Variants in HMMR observed in about 807,000 individuals in gnomAD.
HMMR encodes intracellular hyaluronic acid-binding protein.
Under a neutral mutation model 101.0 loss-of-function variants are expected in HMMR, and 108 were observed. The observed-to-expected ratio is 1.07, with a 90% CI of 0.92 to 1.25. HMMR has a LOEUF of 1.25. Ranked by LOEUF, HMMR falls within the 50% of genes most tolerant of loss-of-function variation. The pLI is 0.00. For missense variants in HMMR, 813 were observed against 788.7 expected, an observed-to-expected ratio of 1.03 and a Z score of -0.37; for synonymous variants, 296 against 276.4, an observed-to-expected ratio of 1.07 and a Z score of -0.70.
At chr5:163,471,966 A>G (rs191795446) in intron 7 of HMMR, among the ~76,000 whole-genome samples, 4 of 152,108 alleles carry the variant, frequency 2.6e-5, no homozygotes, top group African/African-American at 7.2e-5. Context: ...GCTACTGCCT[A>G]TGTCATGTCC....
intron 13 of HMMR, 69 bp from the exon 14 acceptor site, chr5:163,482,950 GA>G (rs917389735): frequency 7.5e-5 from 67 of 892,064 alleles, no homozygotes; most frequent in East Asian, 2.9e-4. Flanking sequence ...GAGGTTTAAA[GA>G]AAAAAAAAGG....
chr5:163,461,786 G>GA lies in HMMR; in HGVS notation c.46+1060dup, dbSNP rs902821024. 5.3e-3 allele frequency among the ~76,000 whole-genome samples: 766 copies of GA among 143,524 alleles called. 1 individual carries two copies. The highest frequency in any genetic ancestry group is 8.4e-3 in the African/African-American group (331 of 39,436). The allele number at this position is 143,524 out of a possible 152,430, so 94.2% of individuals were successfully genotyped here. Reference sequence around the variant, plus strand: ...CGACAGAGCAAGACTCTGTCTTACAGAAAAAAAAAAAATGCTGTATGCTGG... The same window carrying GA: ...CGACAGAGCAAGACTCTGTCTTACAGAAAAAAAAAAAAATGCTGTATGCTGG... On this transcript the variant is annotated intron_variant, in intron 1 of 17. Coordinates refer to ENST00000393915, the MANE Select transcript of HMMR (RefSeq NM_001142556.2).
At position 163,474,047 on chromosome 5, in the gene HMMR, C is replaced by T. The variant is rs772162647; in HGVS notation, c.905-10C>T. 1.1e-5 allele frequency: 17 copies of T among 1,600,426 alleles called. No homozygotes were observed. Among genetic ancestry groups the T allele is most frequent in the African/African-American group, 2.7e-5 (2 of 74,226 alleles). ...TAATTCCAGTATTCTTGATGTTTTG[C>T]GTTTTCTAGAAGACCATGTCAACAG... On this transcript the variant is annotated splice_polypyrimidine_tract_variant and intron_variant, in intron 9 of 17. Coordinates refer to ENST00000393915, the MANE Select transcript of HMMR (RefSeq NM_001142556.2).
At chr5:163,482,133 T>C (rs1759289235) in intron 12 of HMMR, among the ~76,000 whole-genome samples, 1 of 152,162 alleles carries the variant, frequency 6.6e-6, no homozygotes. Context: ...GTCATGCTGG[T>C]CTCGAACTCC....
chr5:163,488,624 C>T (rs1024802664), intron 16 of HMMR, among the ~76,000 whole-genome samples: 4 of 152,122 alleles, frequency 2.6e-5, no homozygotes, highest in Admixed American at 6.5e-5. Flanking sequence ...TTAGGTGTGC[C>T]CACAATTACC....
intron 1 of HMMR, among the ~76,000 whole-genome samples, chr5:163,461,791 A>G (rs1345361210): frequency 6.6e-6 from 1 of 152,068 alleles, no homozygotes; most frequent in Admixed American, 6.5e-5. Context: ...TTACAGAAAA[A>G]AAAAAAATGC....
intron 16 of HMMR, among the ~76,000 whole-genome samples, chr5:163,488,477 C>T (rs1249822071): frequency 6.6e-6 from 1 of 152,092 alleles, no homozygotes; most frequent in Non-Finnish European, 1.5e-5. Flanking sequence ...GGGTACAGCT[C>T]CCCCTCCTTT....
At chr5:163,462,720 C>T (rs755280366) in intron 1 of HMMR, among the ~76,000 whole-genome samples, 2 of 150,052 alleles carry the variant, frequency 1.3e-5, no homozygotes, top group East Asian at 2.0e-4. Flanking sequence ...CCCAGCTACT[C>T]GGGAGGCTGA....
At chr5:163,464,871 T>C in intron 3 of HMMR, 69 bp downstream of exon 3, 1 of 930,138 alleles carries the variant, frequency 1.1e-6, no homozygotes, top group Non-Finnish European at 1.8e-6. Context: ...GTATTGTATT[T>C]GATTAGAATG....
At position 163,478,810 on chromosome 5, in the gene HMMR, T is replaced by C. The variant is rs113930492; in HGVS notation, c.1385+10T>C. On this transcript the variant is annotated intron_variant, in intron 12 of 17. Coordinates refer to ENST00000393915, the MANE Select transcript of HMMR (RefSeq NM_001142556.2). ...CTGCTCAATTTGAAAGGTATTTTTCTTGGGAGCCTGCACTCTTAAATATGA... is the reference window on the plus strand; with the variant it reads ...CTGCTCAATTTGAAAGGTATTTTTCCTGGGAGCCTGCACTCTTAAATATGA... 5 of 1,439,228 alleles carry C rather than the reference T, an allele frequency of 3.5e-6. No homozygotes were observed. Among genetic ancestry groups the C allele is most frequent in the African/African-American group, 1.4e-5 (1 of 71,614 alleles). The allele number at this position is 1,439,228 out of a possible 1,614,324, so 89.2% of individuals were successfully genotyped here.
At chr5:163,474,699 G>C (rs1051457567) in intron 10 of HMMR, 2 of 393,908 alleles carry the variant, frequency 5.1e-6, no homozygotes, top group African/African-American at 4.3e-5. Context: ...CAAGGAAGTA[G>C]AAATAATATT....
rs570593657 is a variant in HMMR at position 163,488,523 on chromosome 5, G to T, written c.1963-1867G>T. On this transcript the variant is annotated intron_variant, in intron 16 of 17. Coordinates refer to ENST00000393915, the MANE Select transcript of HMMR (RefSeq NM_001142556.2). ...TTATTTGCTTGTTTGCTTAATGAGT[G>T]GCTCAATTATTTTAGGGAAACATAT... is the stretch of plus-strand genomic sequence containing the variant. Among the ~76,000 whole-genome samples the T allele has an allele frequency of 2.9e-3, 437 of 152,214 alleles. 2 individuals carry two copies. The highest frequency in any genetic ancestry group is 0.01 in the African/African-American group (420 of 41,496).
In HMMR at chr5:163,475,552, T is replaced by C; in HGVS notation, c.1148T>C (p.Leu383Pro). ...TTTGAGGAAGAATTAAAGCAAACAC[T>C]GGATGAGCTTGATAAATTACAGCAA... is the stretch of plus-strand genomic sequence containing the variant. ...NLFEEELKQT[L>P]DELDKLQQKE... Residue 383 changes from leucine (L) to proline (P), a missense_variant, in exon 11 of 18, where the codon CTG becomes CCG. Leu to Pro is a moderately conservative substitution (Grantham distance 98, BLOSUM62 -3). Transcript: ENST00000393915. 27 of 1,610,614 alleles carry C rather than the reference T, an allele frequency of 1.7e-5. No individual in the cohort carries two copies. Among genetic ancestry groups the C allele is most frequent in the Non-Finnish European group, 2.3e-5 (27 of 1,177,088 alleles).
chr5:163,475,398 CCT>C lies in HMMR; in HGVS notation c.1054-59_1054-58del. The C allele has an allele frequency of 4.4e-6, 4 of 917,338 alleles. No homozygotes were observed. The Admixed American group carries it at 9.7e-5, about 22-fold the overall frequency. 56.8% of individuals were successfully genotyped at this position (917,338 alleles called of 1,614,324 possible). A position where few individuals can be genotyped will look rare whatever the true frequency, so the allele number is the denominator to read the frequency against. On this transcript the variant is annotated intron_variant, in intron 10 of 17. Coordinates refer to ENST00000393915, the MANE Select transcript of HMMR (RefSeq NM_001142556.2). Reference sequence around the variant, plus strand: ...TCTTTATCTGTACTTTTTTTTGTCTCCTAGTACAACCTCACAATGCCATTCCA... The same window carrying C: ...TCTTTATCTGTACTTTTTTTTGTCTCAGTACAACCTCACAATGCCATTCCA...
intron 1 of HMMR, 145 bp downstream of exon 1, chr5:163,460,883 C>T: frequency 1.4e-6 from 1 of 722,732 alleles, no homozygotes; most frequent in Non-Finnish European, 2.5e-6. Context: ...CAAATATGCT[C>T]TAAGCATCTG....
Position 163,473,277 on chromosome 5 carries a change from T to C in HMMR, c.725+24T>C, listed in dbSNP as rs377422759. ...AGGTAATATGAGCAGTAGCTTTAAA[T>C]TGAACCTTATTTTTTTAATACTCAG... is the stretch of plus-strand genomic sequence containing the variant. On this transcript the variant is annotated intron_variant, in intron 8 of 17. Transcript: ENST00000393915. 2.5e-5 allele frequency: 37 copies of C among 1,500,486 alleles called. No individual in the cohort carries two copies. The African/African-American group carries it at 3.8e-4, about 15-fold the overall frequency. The allele number at this position is 1,500,486 out of a possible 1,614,324, so 92.9% of individuals were successfully genotyped here.
rs1242054444 is a variant in HMMR at position 163,484,184 on chromosome 5, A to T, written c.1901A>T (p.Asn634Ile). 1.2e-6 allele frequency: 2 copies of T among 1,606,978 alleles called. No homozygotes were observed. The highest frequency in any genetic ancestry group is 2.2e-5 in the South Asian group (2 of 89,810). Residue 634 changes from asparagine to isoleucine, a missense_variant, in exon 16 of 18, where the codon AAT becomes ATT. Physicochemically the swap from Asn to Ile is moderately radical, Grantham distance 149 (BLOSUM62 -3). Transcript: ENST00000393915. ...TATGCTAAATTATTGGGTCATCAGA[A>T]TTTGAAACAAAAAATCAAGCATGTT... ...DSYAKLLGHQ[N>I]LKQKIKHVVK...
intron 12 of HMMR, among the ~76,000 whole-genome samples, chr5:163,479,014 C>T (rs561245542): frequency 2.6e-5 from 4 of 152,292 alleles, no homozygotes; most frequent in Non-Finnish European, 5.9e-5. Context: ...TCCCCTTTCT[C>T]ACCATCCACT....
chr5:163,471,039 G>A, intron 5 of HMMR, 146 bp from the exon 6 acceptor site: 4 of 611,280 alleles, frequency 6.5e-6, no homozygotes, highest in Non-Finnish European at 8.7e-6. Context: ...TAATTATGGT[G>A]TAGGTCAAAG....
Sources: allele counts gnomAD v4.1 joint callset (sites outside exome capture counted in the v4.1 genomes callset), GRCh38; gene constraint gnomAD v4.1.1; transcripts MANE v1.5; gene names NCBI Gene and HGNC (gene_info 2026-07-23, HGNC 2026-07-21).